DUSP11: variants seen among roughly 807,000 people sequenced by gnomAD.
DUSP11 encodes the protein dual specificity phosphatase 11, also known as RNA/RNP complex-1-interacting phosphatase.
Under a neutral mutation model 41.4 loss-of-function variants are expected in DUSP11, and 27 were observed. The observed-to-expected ratio is 0.65, with a 90% CI of 0.48 to 0.90. The LOEUF is 0.90. Ranked by LOEUF, DUSP11 falls within the 40% of genes least tolerant of loss-of-function variation. DUSP11 has a pLI of 0.00. For missense variants in DUSP11, 465 were observed against 461.1 expected (o/e 1.01, Z -0.08); for synonymous variants, 188 against 159.3 (o/e 1.18, Z -1.35).
chr2:73,773,956 T>C, intron 3 of DUSP11, 33 bp from the exon 4 acceptor site: 1 of 1,518,222 alleles, frequency 6.6e-7, no homozygotes, highest in Non-Finnish European at 8.9e-7. Context: ...ATGTGTATTA[T>C]TTCACTTGTA....
At chr2:73,779,684 A>C in intron 1 of DUSP11, 190 bp downstream of exon 1, 1 of 819,398 alleles carries the variant, frequency 1.2e-6, no homozygotes, top group Non-Finnish European at 1.9e-6. Context: ...ATATGGAGAA[A>C]TCACAGGACA....
chr2:73,768,298 T>C (rs975435679), intron 5 of DUSP11: 1 of 221,324 alleles, frequency 4.5e-6, no homozygotes, highest in African/African-American at 2.3e-5. Context: ...GGAATTGTAA[T>C]TGTATAGGCA....
chr2:73,774,895 T>A lies in DUSP11; in HGVS notation c.450+18A>T. 1 of 1,509,154 alleles carries A rather than the reference T, an allele frequency of 6.6e-7. No homozygotes were observed. The highest frequency in any genetic ancestry group is 8.9e-7 in the Non-Finnish European group (1 of 1,124,368). The allele number at this position is 1,509,154 out of a possible 1,614,324, so 93.5% of individuals were successfully genotyped here. On this transcript the variant is annotated intron_variant, in intron 3 of 8. Coordinates refer to ENST00000272444, the Ensembl canonical transcript of DUSP11. ...ATCAGAAGGAAGAAAGTTCTTTTCA[T>A]TGAAGGGTTCCACTTACCTCTGGTT...
intron 4 of DUSP11, among the ~76,000 whole-genome samples, chr2:73,772,605 G>A (rs1000801749): frequency 6.6e-6 from 1 of 152,206 alleles, no homozygotes; most frequent in Non-Finnish European, 1.5e-5. Flanking sequence ...ACAGAAAAGA[G>A]CCTGGAAGCA....
Position 73,774,544 on chromosome 2 carries a change from C to T in DUSP11, c.450+369G>A, listed in dbSNP as rs1672644875. Among the ~76,000 whole-genome samples the T allele has an allele frequency of 2.0e-5, 3 of 152,180 alleles. No individual in the cohort carries two copies. The South Asian group carries it at 6.2e-4, about 32-fold the overall frequency. ...ACTCTGACCACTAAACCATAATTCC[C>T]TTTTCTCCCCACCTCATAGATCCTT... On this transcript the variant is annotated intron_variant, in intron 3 of 8. Coordinates refer to ENST00000272444, the Ensembl canonical transcript of DUSP11.
intron 6 of DUSP11, 117 bp from the exon 7 acceptor site, chr2:73,767,020 T>C: frequency 8.3e-7 from 1 of 1,207,176 alleles, no homozygotes; most frequent in East Asian, 2.3e-5. Context: ...TCCACATACA[T>C]CTATAGACTT....
chr2:73,775,738 C>T (rs1238852984), intron 2 of DUSP11, among the ~76,000 whole-genome samples: 1 of 150,454 alleles, frequency 6.6e-6, no homozygotes, highest in African/African-American at 2.4e-5. Flanking sequence ...GCCTGTAGTC[C>T]CAGCTACCGG....
chr2:73,762,916 T>A (rs1407020749), intron 8 of DUSP11, 57 bp from the exon 9 acceptor site: 1 of 718,300 alleles, frequency 1.4e-6, no homozygotes, highest in African/African-American at 1.9e-5. Context: ...ATAATTTTTA[T>A]TTATTTTAAA....
rs978384574 is a variant in DUSP11, at chr2:73,766,597, T to C, written c.759-3A>G. On this transcript the variant is annotated splice_polypyrimidine_tract_variant and splice_region_variant and intron_variant, in intron 7 of 8. Coordinates refer to ENST00000272444, the Ensembl canonical transcript of DUSP11. The stretch of plus-strand genomic sequence containing the variant: ...TGGGTACACTGGAATTCCAATTCCT[T>C]AAAGAGAATATTTTCCACACAATAT... 1.2e-6 allele frequency: 2 copies of C among 1,601,988 alleles called. No individual in the cohort carries two copies. Among genetic ancestry groups the C allele is most frequent in the Non-Finnish European group, 8.5e-7 (1 of 1,176,238 alleles).
chr2:73,766,196 C>T (rs952456166), intron 8 of DUSP11, among the ~76,000 whole-genome samples: 1 of 151,886 alleles, frequency 6.6e-6, no homozygotes, highest in Non-Finnish European at 1.5e-5. Flanking sequence ...GTAGTCCCAG[C>T]TACTCAGGAG....
intron 8 of DUSP11, among the ~76,000 whole-genome samples, chr2:73,763,751 A>G (rs755017072): frequency 2.0e-5 from 3 of 152,164 alleles, no homozygotes; most frequent in Non-Finnish European, 4.4e-5. Flanking sequence ...AACTTTGGAA[A>G]TATGAGAAAA....
At chr2:73,766,502 G>C in exon 8 of DUSP11, 2 of 1,614,040 alleles carry the variant, frequency 1.2e-6, no homozygotes, top group Non-Finnish European at 1.7e-6. Flanking sequence ...ATTATACCTA[G>C]GTCCTTGTTT....
intron 3 of DUSP11, 64 bp downstream of exon 3, chr2:73,774,849 A>G (rs1184905455): frequency 1.5e-6 from 2 of 1,352,638 alleles, no homozygotes; most frequent in African/African-American, 2.9e-5. Flanking sequence ...TGATTACTGA[A>G]TTACTATAAA....
chr2:73,766,507 T>C lies in DUSP11; in HGVS notation c.846A>G (p.Gln282=), dbSNP rs770190511. ...TCTGATGTAGATTATACCTAGGTCC[T>C]TGTTTAACAGGCTTATTGTGGACTG... The change falls in exon 8 of 9, where the codon CAA becomes CAG. Residue 282 remains glutamine, a synonymous_variant. Coordinates refer to ENST00000272444, the Ensembl canonical transcript of DUSP11. 2.5e-6 allele frequency: 4 copies of C among 1,614,136 alleles called. No individual in the cohort carries two copies. The South Asian group carries it at 3.3e-5, about 13-fold the overall frequency.
chr2:73,778,096 T>C (rs1014193960), intron 2 of DUSP11, among the ~76,000 whole-genome samples: 4 of 151,950 alleles, frequency 2.6e-5, no homozygotes, highest in Admixed American at 6.5e-5. Context: ...TTATTTTTTA[T>C]ATTATAGTTA....
chr2:73,773,100 T>C (rs1373794368), intron 4 of DUSP11, among the ~76,000 whole-genome samples: 1 of 152,134 alleles, frequency 6.6e-6, no homozygotes, highest in African/African-American at 2.4e-5. Flanking sequence ...GGCAACTGGA[T>C]CCTTAAGATA....
At chr2:73,780,132 T>C (rs1354531496) in exon 1 of DUSP11, 1 of 1,552,892 alleles carries the variant, frequency 6.4e-7, no homozygotes, top group Non-Finnish European at 8.7e-7. Context: ...CCGCCGGTCG[T>C]GATGGCGTAG....
chr2:73,769,036 G>A (rs983119986), intron 5 of DUSP11: 10 of 376,140 alleles, frequency 2.7e-5, no homozygotes, highest in African/African-American at 4.2e-5. Flanking sequence ...TTAAAAAACA[G>A]AATGTCTAAC....
intron 4 of DUSP11, among the ~76,000 whole-genome samples, chr2:73,771,896 C>T (rs76366805): frequency 2.0e-5 from 3 of 151,268 alleles, no homozygotes; most frequent in Non-Finnish European, 2.9e-5. Context: ...TCTCCGCTCA[C>T]TGAAAGCTCC....
Sources: allele counts gnomAD v4.1 joint callset (sites outside exome capture counted in the v4.1 genomes callset), GRCh38; gene constraint gnomAD v4.1.1; transcripts MANE v1.5; gene names NCBI Gene and HGNC (gene_info 2026-07-23, HGNC 2026-07-21).